HEXB: variants seen among roughly 807,000 people sequenced by gnomAD.
HEXB encodes hexosaminidase subunit beta, also known as beta-hexosaminidase subunit beta.
HEXB carries 51 observed loss-of-function variants against 71.2 expected under a neutral mutation model. The ratio of observed to expected loss-of-function variants is 0.72; its 90% CI spans 0.57 to 0.90. HEXB has a LOEUF of 0.90. Among genes scored for constraint, HEXB ranks in the 40% least tolerant of loss-of-function variants. The pLI is 0.00. For synonymous variants in HEXB, 266 were observed against 249.3 expected, an observed-to-expected ratio of 1.07 and a Z score of -0.63; for missense variants, 617 against 677.0, an observed-to-expected ratio of 0.91 and a Z score of 0.98.
In HEXB at chr5:74,689,390, AAAC is replaced by A. The variant is rs1748945006; in HGVS notation, c.363_365del (p.Lys121_Thr122delinsAsn). 3.1e-6 allele frequency: 5 copies of A among 1,612,912 alleles called. No homozygotes were observed. In the East Asian group the frequency reaches 1.1e-4, roughly 36 times the overall value. On this transcript the variant is annotated inframe_deletion, in exon 2 of 14. Transcript: ENST00000261416. ...CATGAACCTGCTGAATTCCAGGCTA[AAAC>A]CCAGGTTCAGCAACTTCTTGTCTCA...
chr5:74,651,473 C>G (rs1175864804), intron 1 of HEXB, among the ~76,000 whole-genome samples: 4 of 152,184 alleles, frequency 2.6e-5, no homozygotes, highest in Non-Finnish European at 5.9e-5. Flanking sequence ...TCTAACAAAA[C>G]ATTTCAAATA....
intron 1 of HEXB, 60 bp from the exon 2 acceptor site, chr5:74,689,268 C>T: frequency 7.5e-7 from 1 of 1,330,312 alleles, no homozygotes; most frequent in South Asian, 1.2e-5. Flanking sequence ...ACTAGCACAT[C>T]TGTTTTAAAA....
At chr5:74,649,092 T>C (rs1468469500) in intron 1 of HEXB, among the ~76,000 whole-genome samples, 1 of 152,024 alleles carries the variant, frequency 6.6e-6, no homozygotes, top group East Asian at 1.9e-4. Flanking sequence ...TGGATCCGTT[T>C]GAGCAGCCAC....
intron 1 of HEXB, among the ~76,000 whole-genome samples, chr5:74,650,908 A>G (rs1168847702): frequency 7.2e-6 from 1 of 138,876 alleles, no homozygotes; most frequent in East Asian, 2.0e-4. Context: ...CCTGGGCAAC[A>G]GCGTGAGACT....
chr5:74,703,049 T>C (rs985929081), intron 5 of HEXB, among the ~76,000 whole-genome samples: 6 of 152,122 alleles, frequency 3.9e-5, no homozygotes, highest in Non-Finnish European at 8.8e-5. Flanking sequence ...GCCTCCCAGG[T>C]TCAAGCGATT....
At chr5:74,648,855 T>C (rs1378669491) in intron 1 of HEXB, among the ~76,000 whole-genome samples, 1 of 152,238 alleles carries the variant, frequency 6.6e-6, no homozygotes, top group Non-Finnish European at 1.5e-5. Context: ...GTGTGTTTCT[T>C]GTGCTAGTCA....
At chr5:74,643,882 T>G (rs1747953173) in intron 1 of HEXB, among the ~76,000 whole-genome samples, 1 of 152,194 alleles carries the variant, frequency 6.6e-6, no homozygotes, top group Non-Finnish European at 1.5e-5. Flanking sequence ...CTGCTGGTAT[T>G]CCAAAAGCGC....
Position 74,716,640 on chromosome 5 carries a change from A to AT in HEXB, c.1140dup (p.Lys381Ter). Reference sequence around the variant, plus strand: ...ATGAGGCAAAAAGGCTTTGGCACAGATTTTAAGAAACTAGAATCTTTCTAC... The same window carrying AT: ...ATGAGGCAAAAAGGCTTTGGCACAGATTTTTAAGAAACTAGAATCTTTCTAC... On this transcript the variant is annotated frameshift_variant, in exon 9 of 14. Transcript: ENST00000261416. LOFTEE classifies it high-confidence loss of function. 6.2e-7 allele frequency: 1 copy of AT among 1,609,134 alleles called. No homozygotes were observed. Among genetic ancestry groups the AT allele is most frequent in the South Asian group, 1.1e-5 (1 of 90,712 alleles).
chr5:74,687,816 C>T (rs568697582), intron 1 of HEXB, among the ~76,000 whole-genome samples: 1 of 152,230 alleles, frequency 6.6e-6, no homozygotes, highest in African/African-American at 2.4e-5. Context: ...CCCTCAACAC[C>T]TACATCCATT....
chr5:74,682,439 A>G (rs1748757285), upstream of HEXB, among the ~76,000 whole-genome samples: 1 of 152,232 alleles, frequency 6.6e-6, no homozygotes, highest in Non-Finnish European at 1.5e-5. Flanking sequence ...GACAACTGCA[A>G]CTTCATGAGA....
At chr5:74,660,822 G>A (rs1748304348) in intron 1 of HEXB, among the ~76,000 whole-genome samples, 1 of 152,164 alleles carries the variant, frequency 6.6e-6, no homozygotes, top group Non-Finnish European at 1.5e-5. Flanking sequence ...GATCCCTGGG[G>A]ATACACAAAT....
intron 5 of HEXB, among the ~76,000 whole-genome samples, chr5:74,703,898 C>G (rs1294169714): frequency 6.6e-6 from 1 of 152,168 alleles, no homozygotes; most frequent in East Asian, 1.9e-4. Flanking sequence ...AGGCTGGTCT[C>G]AAACTCCTGG....
At chr5:74,668,733 G>GT (rs1748480721) in intron 1 of HEXB, among the ~76,000 whole-genome samples, 1 of 152,174 alleles carries the variant, frequency 6.6e-6, no homozygotes, top group Non-Finnish European at 1.5e-5. Context: ...TCAAGAATAG[G>GT]TAACTATAGT....
At chr5:74,713,730 C>T in intron 7 of HEXB, 95 bp downstream of exon 7, 1 of 984,836 alleles carries the variant, frequency 1.0e-6, no homozygotes, top group South Asian at 1.3e-5. Context: ...GTAGTACAAT[C>T]TCGGCTCACT....
intron 7 of HEXB, among the ~76,000 whole-genome samples, chr5:74,715,086 G>A (rs1280149855): frequency 6.6e-6 from 1 of 152,220 alleles, no homozygotes; most frequent in African/African-American, 2.4e-5. Context: ...CTAGGATGAC[G>A]ATGGTACCCT....
At chr5:74,647,379 A>C (rs1161629601) in intron 1 of HEXB, among the ~76,000 whole-genome samples, 3 of 152,250 alleles carry the variant, frequency 2.0e-5, no homozygotes, top group African/African-American at 7.2e-5. Context: ...CTTTGAATGA[A>C]TATTAAAAGG....
At chr5:74,683,928 C>T (rs1369914154), upstream of HEXB, among the ~76,000 whole-genome samples, 2 of 151,252 alleles carry the variant, frequency 1.3e-5, no homozygotes, top group Non-Finnish European at 2.9e-5. Flanking sequence ...TCAAGCGATT[C>T]TCCTGCCTCA....
At chr5:74,674,715 T>G (rs973129732) in intron 1 of HEXB, among the ~76,000 whole-genome samples, 4 of 152,074 alleles carry the variant, frequency 2.6e-5, no homozygotes, top group African/African-American at 9.7e-5. Flanking sequence ...AGCTAATCTA[T>G]AATCTGAGAA....
intron 1 of HEXB, among the ~76,000 whole-genome samples, chr5:74,670,237 CCT>C (rs1376796510): frequency 2.0e-5 from 3 of 151,608 alleles, no homozygotes; most frequent in Non-Finnish European, 4.4e-5. Flanking sequence ...TTTGTTTTAG[CCT>C]CTTTTTTTTT....
Sources: gnomAD v4.1 joint callset for allele counts (sites outside exome capture counted in the v4.1 genomes callset) on GRCh38, gnomAD v4.1.1 for gene constraint, MANE v1.5 for transcripts, NCBI Gene and HGNC (gene_info 2026-07-23, HGNC 2026-07-21) for gene names.